Variants in RIN2 observed in about 807,000 individuals in gnomAD.
RIN2 encodes RAB5 interacting protein 2.
In RIN2, 36 loss-of-function variants were observed where a neutral mutation model predicts 78.0. The observed-to-expected ratio is 0.46, with a 90% CI of 0.35 to 0.61. The LOEUF is 0.61. Ranked by LOEUF, RIN2 falls within the 20% of genes least tolerant of loss-of-function variation. The pLI, the probability that RIN2 is intolerant of heterozygous loss-of-function variation, is 0.00. For missense variants in RIN2, 1,087 were observed against 1,159.7 expected (o/e 0.94, Z 0.91); for synonymous variants, 466 against 466.8 (o/e 1.00, Z 0.02).
chr20:19,983,615 A>G (rs191574082), intron 9 of RIN2, among the ~76,000 whole-genome samples: 2 of 152,064 alleles, frequency 1.3e-5, no homozygotes, highest in East Asian at 3.9e-4. Context: ...AAAAAAAATC[A>G]GAATGCTAGA....
chr20:19,956,533 G>A, intron 4 of RIN2, 82 bp from the exon 5 acceptor site: 1 of 1,327,782 alleles, frequency 7.5e-7, no homozygotes, highest in Non-Finnish European at 1.1e-6. Flanking sequence ...GGCAAGCCTG[G>A]CCTATGAACT....
chr20:19,943,469 T>G (rs540847407), intron 4 of RIN2, among the ~76,000 whole-genome samples: 1 of 152,330 alleles, frequency 6.6e-6, no homozygotes, highest in African/African-American at 2.4e-5. Context: ...AAATCTTTTT[T>G]GAGGAAGTTG....
chr20:19,788,432 C>CAAAAAAAAAAAAAAAAAAAA (rs1224663738), intron 1 of RIN2, among the ~76,000 whole-genome samples: 13 of 53,714 alleles, frequency 2.4e-4, no homozygotes, highest in African/African-American at 9.9e-4. Context: ...CTGTCTCTGC[C>CAAAAAAAAAAAAAAAAAAAA]AAAAAAAAAA....
intron 3 of RIN2, among the ~76,000 whole-genome samples, chr20:19,916,885 G>A (rs977278842): frequency 4.6e-5 from 7 of 152,176 alleles, no homozygotes; most frequent in Non-Finnish European, 8.8e-5. Context: ...TTGGGGAGAT[G>A]CTGCTTGATA....
chr20:19,763,493 A>G (rs1023831882), intron 1 of RIN2, among the ~76,000 whole-genome samples: 8 of 152,172 alleles, frequency 5.3e-5, no homozygotes, highest in Middle Eastern at 3.4e-3. Context: ...TACAGCCGCT[A>G]GCAAAACCAC....
intron 9 of RIN2, among the ~76,000 whole-genome samples, chr20:19,985,426 A>G (rs1336572472): frequency 2.6e-5 from 4 of 152,196 alleles, no homozygotes; most frequent in African/African-American, 9.6e-5. Context: ...CCTCTTATGG[A>G]TTATTTTGGG....
chr20:19,788,439 A>AAAAAAAAAAAAAAAAAAAAAAC (rs1555818733), intron 1 of RIN2, among the ~76,000 whole-genome samples: 3 of 133,034 alleles, frequency 2.3e-5, no homozygotes, highest in African/African-American at 6.5e-5. Flanking sequence ...TGCCAAAAAA[A>AAAAAAAAAAAAAAAAAAAAAAC]AAAAAAAAAA....
intron 3 of RIN2, among the ~76,000 whole-genome samples, chr20:19,901,310 C>G (rs1307980046): frequency 6.8e-6 from 1 of 146,090 alleles, no homozygotes; most frequent in East Asian, 2.1e-4. Context: ...TTTCCCCCAC[C>G]CCCGTCCCCA....
rs1318830522 is a variant in RIN2 at position 19,974,915 on chromosome 20, A to T, written c.890A>T (p.Asn297Ile). The part of the protein sequence containing the change: ...GLKRPSTRTP[N>I]ANGTERTRSP... ...AAACGGCCGAGCACAAGGACTCCCA[A>T]CGCGAATGGCACGGAGCGGACTCGG... is the stretch of plus-strand genomic sequence containing the variant. Residue 297 changes from asparagine (N) to isoleucine (I), a missense_variant, in exon 9 of 13, where the codon AAC becomes ATC. By Grantham distance (149) the Asn-to-Ile change is moderately radical. Transcript: ENST00000255006. 4.3e-6 allele frequency: 7 copies of T among 1,613,828 alleles called. No homozygotes were observed. The South Asian group carries it at 7.7e-5, about 18-fold the overall frequency.
chr20:19,910,471 C>T (rs2039413920), intron 3 of RIN2, among the ~76,000 whole-genome samples: 1 of 148,998 alleles, frequency 6.7e-6, no homozygotes, highest in African/African-American at 2.5e-5. Flanking sequence ...CCATGCTTGG[C>T]CTTCATACTC....
chr20:19,934,424 G>A, intron 3 of RIN2: 3 of 965,670 alleles, frequency 3.1e-6, no homozygotes, highest in Non-Finnish European at 3.7e-6. Flanking sequence ...AGGGTCAGAT[G>A]CAGGTGCATG....
intron 1 of RIN2, among the ~76,000 whole-genome samples, chr20:19,788,189 A>G (rs1035887768): frequency 3.9e-5 from 6 of 152,152 alleles, no homozygotes; most frequent in South Asian, 4.1e-4. Context: ...TATCACTCTT[A>G]TTCACTGTCA....
chr20:19,822,228 C>A (rs2035947097), intron 2 of RIN2, among the ~76,000 whole-genome samples: 1 of 152,274 alleles, frequency 6.6e-6, no homozygotes, highest in Admixed American at 6.5e-5. Context: ...TTGACCAGCT[C>A]TTCAAGACTG....
intron 11 of RIN2, among the ~76,000 whole-genome samples, chr20:19,993,781 C>T (rs1340404271): frequency 2.0e-5 from 3 of 150,360 alleles, no homozygotes; most frequent in African/African-American, 7.6e-5. Context: ...TGTTAGTCTA[C>T]ATAGCATGCT....
intron 3 of RIN2, among the ~76,000 whole-genome samples, chr20:19,903,312 G>T (rs1473780144): frequency 6.6e-6 from 1 of 152,074 alleles, no homozygotes; most frequent in Non-Finnish European, 1.5e-5. Flanking sequence ...TGTCGAAAGA[G>T]GGGGCCATTT....
At position 19,974,915 on chromosome 20, in the gene RIN2, A is replaced by G. The variant is rs1318830522; in HGVS notation, c.890A>G (p.Asn297Ser). ...AAACGGCCGAGCACAAGGACTCCCA[A>G]CGCGAATGGCACGGAGCGGACTCGG... The part of the protein sequence containing the change: ...GLKRPSTRTP[N>S]ANGTERTRSP... The change falls in exon 9 of 13, where the codon AAC becomes AGC. Residue 297 changes from asparagine (N) to serine (S), a missense_variant. By Grantham distance (46) the Asn-to-Ser change is conservative (BLOSUM62 1). Coordinates refer to ENST00000255006, the MANE Select transcript of RIN2 (RefSeq NM_018993.4). The G allele has an allele frequency of 2.5e-6, 4 of 1,613,710 alleles. No homozygotes were observed. The highest frequency in any genetic ancestry group is 1.3e-5 in the African/African-American group (1 of 74,928).
intron 3 of RIN2, among the ~76,000 whole-genome samples, chr20:19,927,801 C>T (rs62200440): frequency 6.6e-6 from 1 of 152,188 alleles, no homozygotes; most frequent in Non-Finnish European, 1.5e-5. Flanking sequence ...CCTCCTGCCT[C>T]AGACTCCCAC....
At chr20:19,894,649 T>C (rs144946861) in intron 3 of RIN2, among the ~76,000 whole-genome samples, 11 of 152,314 alleles carry the variant, frequency 7.2e-5, no homozygotes, top group African/African-American at 2.2e-4. Flanking sequence ...TTTCCTATCC[T>C]ATATCCACTT....
chr20:19,767,444 GAA>G (rs1184938708), intron 1 of RIN2, among the ~76,000 whole-genome samples: 1 of 152,200 alleles, frequency 6.6e-6, no homozygotes, highest in African/African-American at 2.4e-5. Flanking sequence ...TGGCTCTGGG[GAA>G]AAGAGGTTAT....
Sources: gnomAD v4.1 joint callset for allele counts (sites outside exome capture counted in the v4.1 genomes callset) on GRCh38, gnomAD v4.1.1 for gene constraint, MANE v1.5 for transcripts, NCBI Gene and HGNC (gene_info 2026-07-23, HGNC 2026-07-21) for gene names.